Variants in PRKAR1B observed in about 807,000 individuals in gnomAD.
The protein encoded by PRKAR1B is protein kinase cAMP-dependent type I regulatory subunit beta.
In PRKAR1B, 22 loss-of-function variants were observed where a neutral mutation model predicts 46.5. That is an observed-to-expected ratio of 0.47 (90% CI 0.34 to 0.68). The LOEUF (loss-of-function observed/expected upper bound fraction) is 0.68. PRKAR1B is among the 30% of genes least tolerant of loss of function. The pLI is 0.01. For missense variants in PRKAR1B, 445 were observed against 535.6 expected (o/e 0.83, Z 1.67); for synonymous variants, 259 against 217.7 (o/e 1.19, Z -1.67).
chr7:591,778 G>A lies in PRKAR1B; in HGVS notation c.708+4368C>T, dbSNP rs561388291. ...TCAGTGGGGTGAAATGACTGGTGAT[G>A]CCTGACCCTCCCCACAATGGCCCCA... On this transcript the variant is annotated intron_variant, in intron 7 of 10. Transcript: ENST00000537384. Among the ~76,000 whole-genome samples the A allele has an allele frequency of 8.5e-5, 13 of 152,310 alleles. No homozygotes were observed. In the South Asian group the frequency reaches 1.7e-3, roughly 19 times the overall value.
At chr7:674,491 C>T (rs923065816) in intron 4 of PRKAR1B, among the ~76,000 whole-genome samples, 2 of 150,206 alleles carry the variant, frequency 1.3e-5, no homozygotes, top group South Asian at 4.2e-4. Flanking sequence ...ATTCCAGCCA[C>T]ACTCAGCTAT....
At chr7:658,823 G>A (rs1326070569) in intron 4 of PRKAR1B, among the ~76,000 whole-genome samples, 1 of 151,948 alleles carries the variant, frequency 6.6e-6, no homozygotes, top group Non-Finnish European at 1.5e-5. Context: ...GCTAATTTTT[G>A]TATTTTTAGT....
At chr7:671,426 C>T (rs1056017528) in intron 4 of PRKAR1B, among the ~76,000 whole-genome samples, 1 of 152,170 alleles carries the variant, frequency 6.6e-6, no homozygotes, top group East Asian at 1.9e-4. Context: ...AAGCACATAT[C>T]TGGGTGTTTG....
chr7:618,777 T>A (rs900870347), intron 4 of PRKAR1B, among the ~76,000 whole-genome samples: 3 of 152,234 alleles, frequency 2.0e-5, no homozygotes, highest in African/African-American at 7.2e-5. Context: ...TCCTGCTGAT[T>A]TGCAGAAATT....
At chr7:702,225 TA>T (rs1165457939) in intron 2 of PRKAR1B, among the ~76,000 whole-genome samples, 1 of 150,960 alleles carries the variant, frequency 6.6e-6, no homozygotes, top group South Asian at 2.1e-4. Context: ...AGCAATCACT[TA>T]AAGAAAAACA....
At chr7:604,846 T>TGGACAAGGAGAAGGGCAGGC (rs549428449) in intron 6 of PRKAR1B, among the ~76,000 whole-genome samples, 2 of 151,294 alleles carry the variant, frequency 1.3e-5, no homozygotes, top group African/African-American at 2.4e-5. Flanking sequence ...CTGGGGCAGG[T>TGGACAAGGAGAAGGGCAGGC]GGACAAGGAG....
In PRKAR1B at chr7:678,435, G is replaced by A. The variant is rs117197252; in HGVS notation, c.349-1115C>T. 9.3e-3 allele frequency among the ~76,000 whole-genome samples: 1,410 copies of A among 152,276 alleles called. 13 individuals carry two copies. Among genetic ancestry groups the A allele is most frequent in the Non-Finnish European group, 0.017 (1,132 of 68,002 alleles). ...TGTTACTGGCTGCAGTCACCCCACC[G>A]TGCAAAGATCTCAAAACCCATTCCT... On this transcript the variant is annotated intron_variant, in intron 3 of 10. Transcript: ENST00000537384.
intron 9 of PRKAR1B, among the ~76,000 whole-genome samples, chr7:573,494 A>AG (rs1779643126): frequency 1.3e-5 from 2 of 152,106 alleles, no homozygotes; most frequent in South Asian, 4.2e-4. Context: ...AGGGGCAGCC[A>AG]GCATCTGACC....
chr7:570,431 C>G (rs975301202), intron 9 of PRKAR1B, among the ~76,000 whole-genome samples: 4 of 152,172 alleles, frequency 2.6e-5, no homozygotes, highest in African/African-American at 7.2e-5. Context: ...TGCGTAGCCT[C>G]GCCCCACCCT....
chr7:667,167 ATGATGACAGTG>A lies in PRKAR1B; in HGVS notation c.440+10051_440+10061del, dbSNP rs1785980744. ...GGTGATGGTGATGATAATGATGGTG[ATGATGACAGTG>A]ATGATGGTGATGGTGGGGATGGTGA... On this transcript the variant is annotated intron_variant, in intron 4 of 10. Coordinates refer to ENST00000537384, the MANE Select transcript of PRKAR1B (RefSeq NM_001164760.2). The surrounding 1 kb of genome is among the most constrained non-coding windows in gnomAD (Gnocchi z 4.3). 6.6e-6 allele frequency among the ~76,000 whole-genome samples: 1 copy of A among 151,870 alleles called. No individual in the cohort carries two copies. The highest frequency in any genetic ancestry group is 1.5e-5 in the Non-Finnish European group (1 of 67,992).
rs377488309 is a variant in PRKAR1B at position 570,738 on chromosome 7, C to T, written c.891+8518G>A. On this transcript the variant is annotated intron_variant, in intron 9 of 10. Coordinates refer to ENST00000537384, the MANE Select transcript of PRKAR1B (RefSeq NM_001164760.2). ...CAGAGTAACGCTGGCGTTCCAACCC[C>T]GGTCAGCAGAGCTCTGCAACCGGAG... Among the ~76,000 whole-genome samples, 19 of 152,298 alleles carry T rather than the reference C, an allele frequency of 1.2e-4. 1 individual carries two copies. The highest frequency in any genetic ancestry group is 8.5e-4 in the Admixed American group (13 of 15,308).
intron 3 of PRKAR1B, among the ~76,000 whole-genome samples, chr7:678,212 T>G (rs1466484495): frequency 6.6e-6 from 1 of 152,164 alleles, no homozygotes; most frequent in Non-Finnish European, 1.5e-5. Flanking sequence ...GAGGTTGCCA[T>G]GAGGCAAGAT....
In PRKAR1B at chr7:702,831, T is replaced by A. The variant is rs555860811; in HGVS notation, c.177+8498A>T. Among the ~76,000 whole-genome samples the A allele has an allele frequency of 2.6e-5, 4 of 151,806 alleles. No individual in the cohort carries two copies. The South Asian group carries it at 8.3e-4, about 32-fold the overall frequency. On this transcript the variant is annotated intron_variant, in intron 2 of 10. Coordinates refer to ENST00000537384, the MANE Select transcript of PRKAR1B (RefSeq NM_001164760.2). ...GGGGCAAGACTCCGTCTCAAAAAAATAAGTAAATAAATAAATACATAAATA... is the reference window on the plus strand; with the variant it reads ...GGGGCAAGACTCCGTCTCAAAAAAAAAAGTAAATAAATAAATACATAAATA...
At chr7:712,241 C>T (rs558574981) in intron 1 of PRKAR1B, among the ~76,000 whole-genome samples, 1 of 150,766 alleles carries the variant, frequency 6.6e-6, no homozygotes, top group South Asian at 2.1e-4. Flanking sequence ...GCCCCAAACC[C>T]GGCCTCAGCG....
Position 549,879 on chromosome 7 carries a change from G to GT in PRKAR1B, c.*550dup, listed in dbSNP as rs1270281476. On this transcript the variant is annotated 3_prime_UTR_variant, in exon 11 of 11. Coordinates refer to ENST00000537384, the MANE Select transcript of PRKAR1B (RefSeq NM_001164760.2). ...ATCCGCAGCAGGGCCCCCGGGGGAG[G>GT]TGGGGGTGCGGCGGGGTGCAGTGGC... 6.5e-6 allele frequency: 1 copy of GT among 154,284 alleles called. No homozygotes were observed. The highest frequency in any genetic ancestry group is 1.9e-4 in the East Asian group (1 of 5,182). 9.6% of individuals were successfully genotyped at this position (154,284 alleles called of 1,614,324 possible). A position where few individuals can be genotyped will look rare whatever the true frequency, so the allele number is the denominator to read the frequency against.
chr7:596,446 G>T, intron 6 of PRKAR1B, 142 bp from the exon 7 acceptor site: 1 of 1,049,298 alleles, frequency 9.5e-7, no homozygotes, highest in Non-Finnish European at 1.3e-6. Flanking sequence ...TGTGGGCAGA[G>T]CCCTGCGTTC....
chr7:707,071 C>T (rs1218427327), intron 2 of PRKAR1B, among the ~76,000 whole-genome samples: 3 of 152,200 alleles, frequency 2.0e-5, no homozygotes, highest in East Asian at 1.9e-4. Flanking sequence ...GTCCAGAACA[C>T]GCAGCAGGAA....
In PRKAR1B at chr7:550,170, G is replaced by C; in HGVS notation, c.*260C>G. ...CCAGGAGAAGCCCACAGAGGCAGCC[G>C]GGGAGGCGTGTGGGGAGGAAGCTGG... On this transcript the variant is annotated 3_prime_UTR_variant, in exon 11 of 11. Transcript: ENST00000537384. The C allele has an allele frequency of 2.1e-6, 1 of 469,606 alleles. No individual in the cohort carries two copies. The highest frequency in any genetic ancestry group is 3.9e-6 in the Non-Finnish European group (1 of 259,590). The allele number at this position is 469,606 out of a possible 1,614,324, so 29.1% of individuals were successfully genotyped here. A position where few individuals can be genotyped will look rare whatever the true frequency, so the allele number is the denominator to read the frequency against.
intron 2 of PRKAR1B, among the ~76,000 whole-genome samples, chr7:704,220 T>A (rs996419855): frequency 4.6e-5 from 7 of 151,966 alleles, no homozygotes; most frequent in African/African-American, 1.4e-4. Flanking sequence ...GAGAAACAGA[T>A]AAAATCTAAA....
Sources: gnomAD v4.1 joint callset for allele counts (sites outside exome capture counted in the v4.1 genomes callset) on GRCh38, gnomAD v4.1.1 for gene constraint, Gnocchi (gnomAD v3.1) non-coding constraint, MANE v1.5 for transcripts, NCBI Gene and HGNC (gene_info 2026-07-23, HGNC 2026-07-21) for gene names.